Variants in PCDHGA3 observed in about 807,000 individuals in gnomAD.
PCDHGA3 encodes protocadherin gamma-A3.
PCDHGA3 carries 40 observed loss-of-function variants against 58.5 expected under a neutral mutation model. That is an observed-to-expected ratio of 0.68 (90% CI 0.53 to 0.89). The LOEUF is 0.89. PCDHGA3 is among the 40% of genes least tolerant of loss of function. The pLI, the probability that PCDHGA3 is intolerant of heterozygous loss-of-function variation, is 0.00. For synonymous variants in PCDHGA3, 530 were observed against 525.7 expected, an observed-to-expected ratio of 1.01 and a Z score of -0.11; for missense variants, 1,223 against 1,195.9, an observed-to-expected ratio of 1.02 and a Z score of -0.33.
intron 1 of PCDHGA3, chr5:141,422,941 G>A (rs777535652): frequency 9.9e-6 from 16 of 1,614,218 alleles, no homozygotes; most frequent in East Asian, 4.5e-5. Context: ...CCCCACAGAC[G>A]GCTCCACTGG....
In PCDHGA3 at chr5:141,432,512, G is replaced by A. The variant is rs751785850; in HGVS notation, c.2425-62295G>A. ...GCTGGCTCCCCGCTCCGCAGAGCCC[G>A]GCTACCTGGTGACCAAGGTGGTGGC... On this transcript the variant is annotated intron_variant, in intron 1 of 3. Transcript: ENST00000253812. The surrounding 1 kb of genome is among the most constrained non-coding windows in gnomAD (Gnocchi z 6.0). 3 of 1,614,108 alleles carry A rather than the reference G, an allele frequency of 1.9e-6. No homozygotes were observed. Among genetic ancestry groups the A allele is most frequent in the Non-Finnish European group, 2.5e-6 (3 of 1,180,030 alleles).
intron 1 of PCDHGA3, chr5:141,393,706 C>T: frequency 1.2e-6 from 2 of 1,613,798 alleles, no homozygotes; most frequent in African/African-American, 1.3e-5. Flanking sequence ...AATGAAAATA[C>T]TGGGGAAATA....
At chr5:141,492,091 C>A (rs930375969) in intron 1 of PCDHGA3, among the ~76,000 whole-genome samples, 1 of 152,242 alleles carries the variant, frequency 6.6e-6, no homozygotes, top group South Asian at 2.1e-4. Flanking sequence ...CACGCTTCGC[C>A]GGTCTGTAGA....
chr5:141,415,740 G>GTTTTTTTTTTTTTTTTTT (rs57426385), intron 1 of PCDHGA3: 15 of 625,028 alleles, frequency 2.4e-5, no homozygotes, highest in African/African-American at 7.5e-5. Flanking sequence ...GTTTATTAAG[G>GTTTTTTTTTTTTTTTTTT]TTTTTTTTTT....
intron 1 of PCDHGA3, chr5:141,422,174 A>G (rs763681065): frequency 5.1e-6 from 8 of 1,564,176 alleles, no homozygotes; most frequent in African/African-American, 2.8e-5. Flanking sequence ...TATAGATTCT[A>G]TGAGATGGAA....
At chr5:141,421,464 T>C in intron 1 of PCDHGA3, 1 of 1,614,090 alleles carries the variant, frequency 6.2e-7, no homozygotes, top group Non-Finnish European at 8.5e-7. Flanking sequence ...TCGCTGTGAA[T>C]CCGCGAAGCG....
chr5:141,490,288 G>T lies in PCDHGA3; in HGVS notation c.2425-4519G>T, dbSNP rs2099698282. 1.2e-6 allele frequency: 2 copies of T among 1,614,080 alleles called. No homozygotes were observed. Among genetic ancestry groups the T allele is most frequent in the South Asian group, 1.1e-5 (1 of 91,092 alleles). On this transcript the variant is annotated intron_variant, in intron 1 of 3. Transcript: ENST00000253812. This position sits in a 1 kb window ranked among gnomAD's most constrained non-coding sequence, Gnocchi z 5.4. ...GGATGTCAATGACAATGCCCCAGAG[G>T]TGCTATTGGCCTCTTTGGCCAACCC...
At chr5:141,450,826 A>C (rs965147554) in intron 1 of PCDHGA3, among the ~76,000 whole-genome samples, 1 of 134,302 alleles carries the variant, frequency 7.4e-6, no homozygotes, top group African/African-American at 2.9e-5. Context: ...TATTATTATT[A>C]TTATTTTTTT....
chr5:141,428,067 G>GC, intron 1 of PCDHGA3: 2 of 1,609,228 alleles, frequency 1.2e-6, no homozygotes, highest in Non-Finnish European at 1.7e-6. Context: ...GGTGGACGCA[G>GC]ATTCGGGACA....
At position 141,476,513 on chromosome 5, in the gene PCDHGA3, C is replaced by T; in HGVS notation, c.2425-18294C>T. 1 of 1,614,196 alleles carries T rather than the reference C, an allele frequency of 6.2e-7. No individual in the cohort carries two copies. Among genetic ancestry groups the T allele is most frequent in the Non-Finnish European group, 8.5e-7 (1 of 1,180,034 alleles). On this transcript the variant is annotated intron_variant, in intron 1 of 3. Coordinates refer to ENST00000253812, the MANE Select transcript of PCDHGA3 (RefSeq NM_018916.4). The surrounding 1 kb of genome is among the most constrained non-coding windows in gnomAD (Gnocchi z 7.6). ...GATCCAGGACATCAACGACAACAAT[C>T]CTGCTTTCCCTACCCAGGAAATGAA...
intron 1 of PCDHGA3, chr5:141,383,497 C>A: frequency 6.2e-7 from 1 of 1,612,952 alleles, no homozygotes; most frequent in East Asian, 2.2e-5. Flanking sequence ...GGAGCGGGTG[C>A]TGGACCGGGA....
At chr5:141,355,466 G>GTAT (rs767658844) in intron 1 of PCDHGA3, 12 of 1,613,976 alleles carry the variant, frequency 7.4e-6, no homozygotes, top group Non-Finnish European at 1.0e-5. Flanking sequence ...ACCGCGGGTA[G>GTAT]GATAGACAGG....
intron 1 of PCDHGA3, among the ~76,000 whole-genome samples, chr5:141,425,696 A>G (rs1033976807): frequency 1.3e-4 from 20 of 152,242 alleles, no homozygotes; most frequent in African/African-American, 4.3e-4. Context: ...ATCATTTCAT[A>G]GTGGTCAAAA....
chr5:141,386,917 T>C (rs535277219), intron 1 of PCDHGA3, among the ~76,000 whole-genome samples: 1 of 152,302 alleles, frequency 6.6e-6, no homozygotes, highest in Non-Finnish European at 1.5e-5. Flanking sequence ...CCAAGGAATG[T>C]AAAATAAGTG....
intron 1 of PCDHGA3, among the ~76,000 whole-genome samples, chr5:141,465,888 C>T (rs1031908926): frequency 5.3e-5 from 8 of 151,942 alleles, no homozygotes; most frequent in South Asian, 2.1e-4. Context: ...TTTGGGAGGC[C>T]GAGGCGGGCA....
At chr5:141,363,434 A>G (rs1040594076) in intron 1 of PCDHGA3, among the ~76,000 whole-genome samples, 4 of 152,234 alleles carry the variant, frequency 2.6e-5, no homozygotes, top group African/African-American at 9.6e-5. Flanking sequence ...CAACATAGAA[A>G]GGTCACTCAG....
chr5:141,422,959 C>T, intron 1 of PCDHGA3: 5 of 1,614,234 alleles, frequency 3.1e-6, no homozygotes, highest in African/African-American at 1.3e-5. Flanking sequence ...TGGCGTGGAG[C>T]TGGCGCCCCG....
At chr5:141,369,790 A>G (rs1005074497) in intron 1 of PCDHGA3, among the ~76,000 whole-genome samples, 2 of 152,248 alleles carry the variant, frequency 1.3e-5, no homozygotes, top group African/African-American at 4.8e-5. Flanking sequence ...TCTTTATACT[A>G]CGTCTTCTGC....
At chr5:141,492,527 G>A (rs1000672383) in intron 1 of PCDHGA3, among the ~76,000 whole-genome samples, 1 of 152,184 alleles carries the variant, frequency 6.6e-6, no homozygotes, top group African/African-American at 2.4e-5. Flanking sequence ...TCTCCCACCT[G>A]CGCCCCGGGC....
Sources: allele counts gnomAD v4.1 joint callset (sites outside exome capture counted in the v4.1 genomes callset), GRCh38; gene constraint gnomAD v4.1.1; non-coding constraint Gnocchi (gnomAD v3.1); transcripts MANE v1.5; gene names NCBI Gene and HGNC (gene_info 2026-07-23, HGNC 2026-07-21).